Variants in DMD observed in about 807,000 individuals in gnomAD.
DMD encodes dystrophin, also known as mutant dystrophin.
Under a neutral mutation model 330.1 loss-of-function variants are expected in DMD, and 63 were observed. The observed-to-expected ratio is 0.19, with a 90% CI of 0.16 to 0.24. The LOEUF (loss-of-function observed/expected upper bound fraction) is 0.24. DMD is among the 10% of genes least tolerant of loss of function. The pLI is 1.00. For synonymous variants in DMD, 1,223 were observed against 959.8 expected (o/e 1.27, Z -5.07); for missense variants, 3,344 against 2,684.1 (o/e 1.25, Z -5.43).
intron 11 of DMD, among the ~76,000 whole-genome samples, chrX:32,621,048 G>T (rs972239366): frequency 4.5e-5 from 5 of 111,120 alleles, no homozygotes; most frequent in Non-Finnish European, 9.4e-5. Flanking sequence ...GGCGGGTGAG[G>T]GCCACAGATA....
intron 16 of DMD, among the ~76,000 whole-genome samples, chrX:32,558,941 T>TTTTTTTTTTTTTTTC: frequency 5.0e-5 from 1 of 20,149 alleles, no homozygotes; most frequent in African/African-American, 2.4e-4. Context: ...AAATTTTCTT[T>TTTTTTTTTTTTTTTC]TTTTTTTTTT....
rs201297224 is a variant in DMD at position 31,958,120 on chromosome X, T to TAA, written c.6614+10217_6614+10218dup. The stretch of plus-strand genomic sequence containing the variant: ...TGTTTTTTTTTTTTTTTTTTTTTTT[T>TAA]AAAAATGGTACAGTCTTGGTGCAGC... On this transcript the variant is annotated intron_variant, in intron 45 of 78. Transcript: ENST00000357033. Among the ~76,000 whole-genome samples the TAA allele has an allele frequency of 9.7e-5, 9 of 93,061 alleles. 1 individual carries two copies. Among genetic ancestry groups the TAA allele is most frequent in the African/African-American group, 3.6e-4 (9 of 25,168 alleles). The allele number at this position is 93,061 out of a possible 115,157, so 80.8% of individuals were successfully genotyped here.
intron 18 of DMD, among the ~76,000 whole-genome samples, chrX:32,510,471 G>T (rs147457118): frequency 0.026 from 2,930 of 111,357 alleles, 96 homozygotes; most frequent in African/African-American, 0.088. Context: ...TTACATATTA[G>T]TCTTGCTTCA....
chrX:33,000,237 A>AT (rs61431492), intron 2 of DMD, among the ~76,000 whole-genome samples: 5,615 of 111,075 alleles, frequency 0.051, 231 homozygotes, highest in South Asian at 0.14. Context: ...TCAATTCACA[A>AT]TTTTTTTTAA....
At chrX:33,026,826 AG>A (rs1305940269) in intron 1 of DMD, among the ~76,000 whole-genome samples, 1 of 111,993 alleles carries the variant, frequency 8.9e-6, no homozygotes, top group Non-Finnish European at 1.9e-5. Context: ...ATCCTACAAA[AG>A]TTGTTCTTAA....
At chrX:32,472,673 T>C (rs1217476616) in intron 21 of DMD, among the ~76,000 whole-genome samples, 2 of 111,185 alleles carry the variant, frequency 1.8e-5, no homozygotes, top group Admixed American at 1.9e-4. Context: ...CAGGGTCCAA[T>C]TGTATCTGAT....
intron 47 of DMD, among the ~76,000 whole-genome samples, chrX:31,908,245 G>T (rs1338090541): frequency 1.8e-5 from 2 of 111,860 alleles, no homozygotes; most frequent in Non-Finnish European, 3.8e-5. Flanking sequence ...AAATCATGCT[G>T]CTATAAAGAC....
intron 44 of DMD, among the ~76,000 whole-genome samples, chrX:32,150,426 G>A (rs1485104727): frequency 9.0e-6 from 1 of 111,488 alleles, no homozygotes; most frequent in Non-Finnish European, 1.9e-5. Flanking sequence ...CGGTGCCGCT[G>A]GTGGTGGCAT....
At chrX:31,906,561 A>G (rs2094480994) in intron 47 of DMD, among the ~76,000 whole-genome samples, 1 of 112,572 alleles carries the variant, frequency 8.9e-6, no homozygotes, top group Non-Finnish European at 1.9e-5. Context: ...ACAGCCCTTG[A>G]TAAATGAGTA....
intron 16 of DMD, among the ~76,000 whole-genome samples, chrX:32,563,676 C>A (rs1174941349): frequency 9.0e-6 from 1 of 111,523 alleles, no homozygotes; most frequent in African/African-American, 3.3e-5. Context: ...GCTTTTCTAC[C>A]AATTGGAATA....
intron 45 of DMD, among the ~76,000 whole-genome samples, chrX:31,954,898 G>T (rs1027660389): frequency 1.8e-5 from 2 of 109,034 alleles, no homozygotes; most frequent in Non-Finnish European, 3.8e-5. Flanking sequence ...CAATCACATT[G>T]GCTCATGCCT....
At chrX:32,457,966 C>A (rs1329936903) in intron 25 of DMD, among the ~76,000 whole-genome samples, 1 of 110,744 alleles carries the variant, frequency 9.0e-6, no homozygotes, top group Non-Finnish European at 1.9e-5. Context: ...ATGTAGGTTT[C>A]TATTTGTTTT....
intron 9 of DMD, among the ~76,000 whole-genome samples, chrX:32,695,165 A>G (rs1274284008): frequency 2.7e-5 from 3 of 112,410 alleles, no homozygotes; most frequent in Non-Finnish European, 5.6e-5. Context: ...AACGCAATAT[A>G]TAAGAATCAC....
chrX:32,083,930 T>C lies in DMD; in HGVS notation c.6439-115416A>G, dbSNP rs950048442. 5.3e-5 allele frequency among the ~76,000 whole-genome samples: 6 copies of C among 112,804 alleles called. No individual in the cohort carries two copies. In the East Asian group the frequency reaches 1.7e-3, roughly 32 times the overall value. ...GCAAATATATGCATAATCATCTGGT[T>C]ATGCTTTCTATCAGACTCATAAACC... is the stretch of plus-strand genomic sequence containing the variant. On this transcript the variant is annotated intron_variant, in intron 44 of 78. Coordinates refer to ENST00000357033, the MANE Select transcript of DMD (RefSeq NM_004006.3).
At chrX:31,337,864 TGTAAGTCC>T (rs1170986123) in intron 61 of DMD, among the ~76,000 whole-genome samples, 10 of 111,886 alleles carry the variant, frequency 8.9e-5, no homozygotes, top group African/African-American at 2.9e-4. Context: ...CTAATTTCCA[TGTAAGTCC>T]GTGACGAAGG....
intron 52 of DMD, among the ~76,000 whole-genome samples, chrX:31,725,188 T>A (rs5972438): frequency 0.41 from 45,694 of 110,241 alleles, 7,977 homozygotes; most frequent in African/African-American, 0.65. Flanking sequence ...CAAGTTACGT[T>A]AGCTCTCCGA....
At chrX:32,847,008 TA>T (rs555647484) in intron 3 of DMD, among the ~76,000 whole-genome samples, 41 of 104,553 alleles carry the variant, frequency 3.9e-4, no homozygotes, top group Non-Finnish European at 5.9e-4. Flanking sequence ...TCCATCAAAA[TA>T]AAAAAAAAAT....
chrX:33,104,743 C>T (rs1257989336), intron 1 of DMD, among the ~76,000 whole-genome samples: 4 of 111,933 alleles, frequency 3.6e-5, no homozygotes, highest in Non-Finnish European at 7.5e-5. Flanking sequence ...CAAACACAGA[C>T]GCCCAAGTAA....
chrX:31,908,871 A>G (rs1457582948), intron 47 of DMD, among the ~76,000 whole-genome samples: 1 of 111,415 alleles, frequency 9.0e-6, no homozygotes, highest in Non-Finnish European at 1.9e-5. Context: ...GAATGAGCAG[A>G]GATAGCCCCA....
Sources: gnomAD v4.1 joint callset for allele counts (sites outside exome capture counted in the v4.1 genomes callset) on GRCh38, gnomAD v4.1.1 for gene constraint, MANE v1.5 for transcripts, NCBI Gene and HGNC (gene_info 2026-07-23, HGNC 2026-07-21) for gene names.